The following FRMD4B variants were observed in gnomAD, a reference collection of about 807,000 sequenced individuals.
The protein encoded by FRMD4B is FERM domain-containing protein 4B.
In FRMD4B, 74 loss-of-function variants were observed where a neutral mutation model predicts 141.5. The ratio of observed to expected loss-of-function variants is 0.52; its 90% CI spans 0.43 to 0.63. The LOEUF (loss-of-function observed/expected upper bound fraction) is 0.63, where lower values mean the gene tolerates loss of function less well. Among genes scored for constraint, FRMD4B ranks in the 30% least tolerant of loss-of-function variants. The pLI is 0.00. For missense variants in FRMD4B, 1,366 were observed against 1,253.4 expected, an observed-to-expected ratio of 1.09 and a Z score of -1.36; for synonymous variants, 506 against 467.9, an observed-to-expected ratio of 1.08 and a Z score of -1.05.
intron 1 of FRMD4B, among the ~76,000 whole-genome samples, chr3:69,480,548 G>C (rs1169330994): frequency 6.6e-6 from 1 of 152,144 alleles, no homozygotes; most frequent in African/African-American, 2.4e-5. Context: ...GAAAGCTGCT[G>C]TCTGATCGTT....
At chr3:69,207,169 A>G (rs1464641174) in intron 11 of FRMD4B, among the ~76,000 whole-genome samples, 2 of 152,104 alleles carry the variant, frequency 1.3e-5, no homozygotes, top group Non-Finnish European at 2.9e-5. Context: ...GTGGGACACA[A>G]TGGCACATGC....
chr3:69,344,894 TA>T (rs1422929739), intron 1 of FRMD4B, among the ~76,000 whole-genome samples: 4 of 152,194 alleles, frequency 2.6e-5, no homozygotes, highest in Non-Finnish European at 5.9e-5. Context: ...CTCCAGTCTA[TA>T]GCTCCCAGCT....
chr3:69,484,012 T>C (rs902743241), intron 1 of FRMD4B, among the ~76,000 whole-genome samples: 1 of 152,206 alleles, frequency 6.6e-6, no homozygotes, highest in Non-Finnish European at 1.5e-5. Flanking sequence ...AGCAACTGCA[T>C]TTATTACATT....
At chr3:69,191,830 C>G (rs773912567) in intron 17 of FRMD4B, among the ~76,000 whole-genome samples, 42 of 152,172 alleles carry the variant, frequency 2.8e-4, no homozygotes, top group Non-Finnish European at 4.1e-4. Flanking sequence ...TTAACCACCC[C>G]CAAGACTGCC....
chr3:69,528,103 C>CA (rs772143658), intron 1 of FRMD4B, among the ~76,000 whole-genome samples: 3 of 152,178 alleles, frequency 2.0e-5, no homozygotes, highest in South Asian at 2.1e-4. Context: ...ATTACCTTCC[C>CA]TCCTTTGATA....
chr3:69,335,357 T>G (rs1702507764), intron 1 of FRMD4B, among the ~76,000 whole-genome samples: 1 of 146,008 alleles, frequency 6.8e-6, no homozygotes, highest in African/African-American at 2.5e-5. Flanking sequence ...CATAACTTTT[T>G]TTTTTCATTA....
chr3:69,455,186 A>G (rs1037557377), intron 1 of FRMD4B, among the ~76,000 whole-genome samples: 1 of 152,342 alleles, frequency 6.6e-6, no homozygotes, highest in Non-Finnish European at 1.5e-5. Flanking sequence ...TGGACCAATC[A>G]GCTCCCTGTA....
intron 1 of FRMD4B, among the ~76,000 whole-genome samples, chr3:69,486,405 G>A (rs1011973478): frequency 1.3e-5 from 2 of 150,922 alleles, no homozygotes; most frequent in East Asian, 2.0e-4. Context: ...AAAGTCCATC[G>A]TATCTTTCTT....
chr3:69,208,134 G>A (rs941984814), intron 11 of FRMD4B, among the ~76,000 whole-genome samples: 2 of 152,012 alleles, frequency 1.3e-5, no homozygotes, highest in Non-Finnish European at 2.9e-5. Flanking sequence ...TGTGATCCTG[G>A]CTCACTGCAA....
chr3:69,302,837 C>T (rs1559790965), intron 3 of FRMD4B, among the ~76,000 whole-genome samples: 1 of 152,158 alleles, frequency 6.6e-6, no homozygotes, highest in Admixed American at 6.6e-5. Context: ...CTTTGGGAGG[C>T]CGAGGCGGGC....
At chr3:69,204,392 G>T (rs994848922) in intron 11 of FRMD4B, among the ~76,000 whole-genome samples, 4 of 152,158 alleles carry the variant, frequency 2.6e-5, no homozygotes, top group Admixed American at 2.0e-4. Flanking sequence ...GCAACTCATA[G>T]TACCTATAGG....
At chr3:69,473,290 T>C (rs1052423471) in intron 1 of FRMD4B, among the ~76,000 whole-genome samples, 5 of 152,154 alleles carry the variant, frequency 3.3e-5, no homozygotes, top group Admixed American at 1.3e-4. Flanking sequence ...TGCAATCTTC[T>C]ATCCAGCTGA....
chr3:69,355,267 A>C (rs1003481238), intron 1 of FRMD4B, among the ~76,000 whole-genome samples: 1 of 152,206 alleles, frequency 6.6e-6, no homozygotes, highest in Non-Finnish European at 1.5e-5. Flanking sequence ...ATTAATCTGC[A>C]TAACAAGTGT....
chr3:69,279,952 G>A (rs1162001816), intron 5 of FRMD4B, among the ~76,000 whole-genome samples: 2 of 151,918 alleles, frequency 1.3e-5, no homozygotes, highest in African/African-American at 4.8e-5. Flanking sequence ...AGAAAAGATG[G>A]CCAATACTAT....
In FRMD4B at chr3:69,353,590, T is replaced by C. The variant is rs56083616; in HGVS notation, c.162+32238A>G. 1,398 of 985,070 alleles carry C rather than the reference T, an allele frequency of 1.4e-3. 15 individuals carry two copies. The African/African-American group carries it at 0.023, about 16-fold the overall frequency. The allele number at this position is 985,070 out of a possible 1,614,324, so 61.0% of individuals were successfully genotyped here. On this transcript the variant is annotated intron_variant, in intron 1 of 22. Transcript: ENST00000398540. ...GCTCATTTAAAGGAACTGAAGAGAG[T>C]GCTTAAGACAAAAGACACACGTATT...
chr3:69,536,515 G>A (rs1267691327), intron 1 of FRMD4B: 19 of 697,926 alleles, frequency 2.7e-5, no homozygotes, highest in Admixed American at 8.2e-5. Flanking sequence ...AGCCTGCAGC[G>A]CCTCTACCAC....
At chr3:69,223,837 AAAAC>A (rs1488701369) in intron 8 of FRMD4B, among the ~76,000 whole-genome samples, 1 of 152,232 alleles carries the variant, frequency 6.6e-6, no homozygotes, top group Non-Finnish European at 1.5e-5. Flanking sequence ...TCAAAAAAAC[AAAAC>A]AAACAAACAA....
chr3:69,343,326 A>C (rs2107387791), intron 1 of FRMD4B, among the ~76,000 whole-genome samples: 1 of 152,234 alleles, frequency 6.6e-6, no homozygotes, highest in African/African-American at 2.4e-5. Context: ...ACAAAGTAGG[A>C]TTTACATGCA....
At chr3:69,451,502 G>A (rs1181450434) in intron 1 of FRMD4B, among the ~76,000 whole-genome samples, 1 of 152,112 alleles carries the variant, frequency 6.6e-6, no homozygotes, top group African/African-American at 2.4e-5. Context: ...TGTCCTCCCT[G>A]GTCTATTTTA....
Sources: allele counts gnomAD v4.1 joint callset (sites outside exome capture counted in the v4.1 genomes callset), GRCh38; gene constraint gnomAD v4.1.1; transcripts MANE v1.5; gene names NCBI Gene and HGNC (gene_info 2026-07-23, HGNC 2026-07-21).